Variants in LRRK2 observed in about 807,000 individuals in gnomAD.
LRRK2 encodes the protein leucine rich repeat kinase 2.
Under a neutral mutation model 302.6 loss-of-function variants are expected in LRRK2, and 203 were observed. The observed-to-expected ratio is 0.67, with a 90% CI of 0.60 to 0.75. LRRK2 has a LOEUF of 0.75. LRRK2 is among the 30% of genes least tolerant of loss of function. LRRK2 has a pLI of 0.00. For missense variants in LRRK2, 2,830 were observed against 2,951.0 expected (o/e 0.96, Z 0.95); for synonymous variants, 1,066 against 1,031.9 (o/e 1.03, Z -0.63).
At chr12:40,240,656 A>C in intron 6 of LRRK2, 39 bp downstream of exon 6, 1 of 1,573,802 alleles carries the variant, frequency 6.4e-7, no homozygotes, top group Non-Finnish European at 8.7e-7. Context: ...TTTGTATCTG[A>C]AAAATTACAA....
At chr12:40,249,631 ATAAT>A (rs1441627540) in intron 7 of LRRK2, among the ~76,000 whole-genome samples, 191 bp from the exon 8 acceptor site, 6 of 152,216 alleles carry the variant, frequency 3.9e-5, no homozygotes, top group African/African-American at 1.2e-4. Flanking sequence ...TCTAAGTAAG[ATAAT>A]TAAAGGACAG....
chr12:40,284,255 G>T, intron 19 of LRRK2, 122 bp downstream of exon 19: 2 of 792,830 alleles, frequency 2.5e-6, no homozygotes, highest in Non-Finnish European at 3.6e-6. Flanking sequence ...TATTGCAAAG[G>T]TTTGGATTTT....
intron 18 of LRRK2, among the ~76,000 whole-genome samples, chr12:40,280,186 C>T (rs1178662524): frequency 6.6e-6 from 1 of 152,120 alleles, no homozygotes; most frequent in East Asian, 1.9e-4. Flanking sequence ...CATGGTGGCT[C>T]ACATCTGTAA....
At chr12:40,355,527 C>CCCTCCCTCCCTTCCTTCCTT (rs146145700) in intron 45 of LRRK2, among the ~76,000 whole-genome samples, 1 of 74,790 alleles carries the variant, frequency 1.3e-5, no homozygotes, top group Non-Finnish European at 2.8e-5. Flanking sequence ...CTCCCTCCCT[C>CCCTCCCTCCCTTCCTTCCTT]CCTTCCTTCC....
rs1190808143 is a variant in LRRK2 at position 40,323,293 on chromosome 12, A to T, written c.5643A>T (p.Pro1881=). 1 of 1,612,306 alleles carries T rather than the reference A, an allele frequency of 6.2e-7. No homozygotes were observed. Among genetic ancestry groups the T allele is most frequent in the Non-Finnish European group, 8.5e-7 (1 of 1,178,978 alleles). Reference sequence around the variant, plus strand: ...ATGAGTTGGAATTTGAACAAGCTCCAGAGTTTCTCCTAGGTAATTCTTTTT... The same window carrying T: ...ATGAGTTGGAATTTGAACAAGCTCCTGAGTTTCTCCTAGGTAATTCTTTTT... The part of the protein sequence containing the change: ...NNDELEFEQA[P]EFLLGDGSFG... Residue 1881 remains proline, a synonymous_variant, in exon 38 of 51, where the codon CCA becomes CCT. Coordinates refer to ENST00000298910, the MANE Select transcript of LRRK2 (RefSeq NM_198578.4).
chr12:40,345,112 ACTTCGT>A (rs1946153287), intron 41 of LRRK2, among the ~76,000 whole-genome samples: 1 of 152,122 alleles, frequency 6.6e-6, no homozygotes, highest in South Asian at 2.1e-4. Context: ...ATGAATTCAT[ACTTCGT>A]TATATTTTTC....
At chr12:40,350,064 C>T (rs931531461) in intron 43 of LRRK2, among the ~76,000 whole-genome samples, 8 of 152,176 alleles carry the variant, frequency 5.3e-5, no homozygotes, top group South Asian at 4.1e-4. Flanking sequence ...TCCCTCTCCC[C>T]GCTCCCTGCA....
At chr12:40,289,169 A>G (rs1944045752) in intron 20 of LRRK2, among the ~76,000 whole-genome samples, 1 of 151,832 alleles carries the variant, frequency 6.6e-6, no homozygotes, top group Admixed American at 6.6e-5. Context: ...AAAATATTAT[A>G]TAATTCCTCA....
intron 14 of LRRK2, among the ~76,000 whole-genome samples, chr12:40,265,048 G>T (rs1942950197): frequency 6.6e-6 from 1 of 152,138 alleles, no homozygotes; most frequent in Admixed American, 6.6e-5. Flanking sequence ...GTGGCTTCCA[G>T]AGAGATCTCC....
chr12:40,312,440 A>G (rs1945065946), intron 31 of LRRK2, among the ~76,000 whole-genome samples: 1 of 152,126 alleles, frequency 6.6e-6, no homozygotes, highest in African/African-American at 2.4e-5. Context: ...TTCTTCCCTG[A>G]GGTGCTTCAA....
chr12:40,340,625 T>C, intron 41 of LRRK2, among the ~76,000 whole-genome samples, 171 bp downstream of exon 41: 1 of 152,120 alleles, frequency 6.6e-6, no homozygotes, highest in East Asian at 1.9e-4. Context: ...TTGTATTTTG[T>C]AGGAAAAAAA....
At chr12:40,365,652 T>A (rs907026022) in intron 49 of LRRK2, 1 of 151,962 alleles carries the variant, frequency 6.6e-6, no homozygotes, top group Non-Finnish European at 1.5e-5. Context: ...AAAATAACAA[T>A]AATAGCATAT....
intron 18 of LRRK2, among the ~76,000 whole-genome samples, chr12:40,282,285 A>G (rs551517925): frequency 1.5e-3 from 225 of 151,884 alleles, no homozygotes; most frequent in Middle Eastern, 6.8e-3. Context: ...TACTTAAATT[A>G]AATATATTTG....
At position 40,287,474 on chromosome 12, in the gene LRRK2, G is replaced by T; in HGVS notation, c.2624G>T (p.Trp875Leu). Residue 875 changes from tryptophan to leucine, a missense_variant, in exon 20 of 51, where the codon TGG becomes TTG. Transcript: ENST00000298910. The stretch of plus-strand genomic sequence containing the variant: ...GATGTGCTGTCTAAATTTGATGAAT[G>T]GACCTTTATTCCTGACTCTTCTATG... ...SEDVLSKFDE[W>L]TFIPDSSMDS... 6.2e-7 allele frequency: 1 copy of T among 1,612,752 alleles called. No homozygotes were observed. Among genetic ancestry groups the T allele is most frequent in the Non-Finnish European group, 8.5e-7 (1 of 1,179,080 alleles).
chr12:40,271,902 G>C (rs1943244648), intron 14 of LRRK2, among the ~76,000 whole-genome samples: 1 of 152,044 alleles, frequency 6.6e-6, no homozygotes, highest in African/African-American at 2.4e-5. Flanking sequence ...TAGAGCCTAG[G>C]GGAGTTCCAG....
rs200964015 is a variant in LRRK2 at position 40,263,904 on chromosome 12, A to G, written c.1656+3A>G. Reference sequence around the variant, plus strand: ...TGGTCCTAGCAGCTTTGAACAGGGTATGTTGAATATAAGTTTTCTGTATTT... The same window carrying G: ...TGGTCCTAGCAGCTTTGAACAGGGTGTGTTGAATATAAGTTTTCTGTATTT... On this transcript the variant is annotated splice_donor_region_variant and intron_variant, in intron 14 of 50. Coordinates refer to ENST00000298910, the MANE Select transcript of LRRK2 (RefSeq NM_198578.4). 2.7e-5 allele frequency: 43 copies of G among 1,585,734 alleles called. No homozygotes were observed.
intron 3 of LRRK2, among the ~76,000 whole-genome samples, chr12:40,234,368 A>ATTT (rs1941345662): frequency 1.0e-5 from 1 of 95,336 alleles, no homozygotes; most frequent in African/African-American, 4.3e-5. Flanking sequence ...TGCTAAATTC[A>ATTT]CTTTTTTTTT....
intron 41 of LRRK2, among the ~76,000 whole-genome samples, chr12:40,345,622 C>CAAAAAA (rs144415226): frequency 0.018 from 1,163 of 66,340 alleles, 2 homozygotes; most frequent in Non-Finnish European, 0.021. Flanking sequence ...GACTCCATCT[C>CAAAAAA]AAAAAAAAAA....
rs1371688763 is a variant in LRRK2, at chr12:40,249,706, G to T, written c.839-120G>T. 2.5e-5 allele frequency: 29 copies of T among 1,153,186 alleles called. No individual in the cohort carries two copies. The Admixed American group carries it at 5.4e-4, about 22-fold the overall frequency. The allele number at this position is 1,153,186 out of a possible 1,614,324, so 71.4% of individuals were successfully genotyped here. A position where few individuals can be genotyped will look rare whatever the true frequency, so the allele number is the denominator to read the frequency against. ...TTAAGCTATTTTAATTAAAGTAAATGTTTTAATGCCATTGAATATTCATCA... is the reference window on the plus strand; with the variant it reads ...TTAAGCTATTTTAATTAAAGTAAATTTTTTAATGCCATTGAATATTCATCA... On this transcript the variant is annotated intron_variant, in intron 7 of 50. Transcript: ENST00000298910.
Sources: gnomAD v4.1 joint callset for allele counts (sites outside exome capture counted in the v4.1 genomes callset) on GRCh38, gnomAD v4.1.1 for gene constraint, MANE v1.5 for transcripts, NCBI Gene and HGNC (gene_info 2026-07-23, HGNC 2026-07-21) for gene names.